CFAP251: variants seen among roughly 807,000 people sequenced by gnomAD.
CFAP251 encodes cilia- and flagella-associated protein 251.
Under a neutral mutation model 126.7 loss-of-function variants are expected in CFAP251, and 93 were observed. That is an observed-to-expected ratio of 0.73 (90% CI 0.62 to 0.87). The LOEUF is 0.87. CFAP251 is among the 40% of genes least tolerant of loss of function. The probability of loss-of-function intolerance (pLI) is 0.00; values close to 1 mark genes in which losing one functional copy is unlikely to be tolerated. For synonymous variants in CFAP251, 503 were observed against 506.9 expected, an observed-to-expected ratio of 0.99 and a Z score of 0.10; for missense variants, 1,287 against 1,389.2, an observed-to-expected ratio of 0.93 and a Z score of 1.17.
chr12:121,944,534 A>T (rs978572022), intron 7 of CFAP251, among the ~76,000 whole-genome samples: 3 of 152,122 alleles, frequency 2.0e-5, no homozygotes, highest in African/African-American at 7.2e-5. Flanking sequence ...CTTGCCGTTT[A>T]TTTATGTCTT....
At chr12:121,936,677 C>G (rs11043252) in intron 5 of CFAP251, among the ~76,000 whole-genome samples, 9,296 of 151,940 alleles carry the variant, frequency 0.061, 528 homozygotes, top group East Asian at 0.21. Context: ...ATGCTGTAAT[C>G]AATGAGAATG....
rs1443560435 is a variant in CFAP251 at position 121,999,806 on chromosome 12, G to T, written c.3097G>T (p.Val1033Leu). The part of the protein sequence containing the change: ...DKINLPDFLK[V>L]YLNHKPPFGN... ...GATCAACTTACCAGATTTCCTAAAA[G>T]TGTACCTTAACCACAAGCCACCTTT... The change falls in exon 20 of 22, where the codon GTG (valine) becomes TTG (leucine). Residue 1033 changes from valine to leucine, a missense_variant. By Grantham distance (32) the Val-to-Leu change is conservative (BLOSUM62 1). Transcript: ENST00000288912. The T allele has an allele frequency of 1.2e-6, 2 of 1,614,130 alleles. No homozygotes were observed. The highest frequency in any genetic ancestry group is 2.2e-5 in the East Asian group (1 of 44,884).
chr12:121,922,087 G>A (rs1473898749), intron 2 of CFAP251, among the ~76,000 whole-genome samples: 2 of 140,564 alleles, frequency 1.4e-5, no homozygotes, highest in East Asian at 2.2e-4. Flanking sequence ...ACGCCACCAC[G>A]CCCGGCCACA....
At chr12:121,957,521 G>A (rs772745618) in intron 11 of CFAP251, among the ~76,000 whole-genome samples, 2 of 151,970 alleles carry the variant, frequency 1.3e-5, no homozygotes, top group South Asian at 2.1e-4. Context: ...TGGCTAACAT[G>A]GTGAAACCCC....
intron 7 of CFAP251, 60 bp from the exon 8 acceptor site, chr12:121,948,924 T>G: frequency 1.0e-6 from 1 of 997,570 alleles, no homozygotes; most frequent in Non-Finnish European, 1.5e-6. Flanking sequence ...AATTTTAACA[T>G]TCAGCTTAAC....
chr12:121,958,882 G>GAC, intron 12 of CFAP251, 61 bp from the exon 13 acceptor site: 1 of 1,523,518 alleles, frequency 6.6e-7, no homozygotes, highest in Middle Eastern at 1.8e-4. Flanking sequence ...GCCTGGCACA[G>GAC]ACTCAACATC....
chr12:121,975,592 C>A lies in CFAP251; in HGVS notation c.2913C>A (p.Asp971Glu). 2 of 1,605,760 alleles carry A rather than the reference C, an allele frequency of 1.2e-6. No homozygotes were observed. Among genetic ancestry groups the A allele is most frequent in the Non-Finnish European group, 1.7e-6 (2 of 1,178,060 alleles). Reference protein sequence around the residue: ...YYSQLRSQGIDTMETRKVSEH... With the variant: ...YYSQLRSQGIETMETRKVSEH... Reference sequence around the variant, plus strand: ...CTCAGCTCCGCAGTCAAGGCATCGACACAATGGAGACCAGAAAGGTGTCAG... The same window carrying A: ...CTCAGCTCCGCAGTCAAGGCATCGAAACAATGGAGACCAGAAAGGTGTCAG... Residue 971 changes from aspartate (D) to glutamate (E), a missense_variant, in exon 19 of 22, where the codon GAC becomes GAA. Coordinates refer to ENST00000288912, the MANE Select transcript of CFAP251 (RefSeq NM_144668.6).
intron 19 of CFAP251, among the ~76,000 whole-genome samples, chr12:121,978,427 C>T (rs145987962): frequency 0.04 from 3,881 of 98,228 alleles, 109 homozygotes; most frequent in Non-Finnish European, 0.064. Flanking sequence ...AAAAATTATC[C>T]GAAAACATGC....
rs1881513102 is a variant in CFAP251, at chr12:121,951,247, A to T, written c.1270-233A>T. ...GACACCTTATTTAATATAGAACTCCATCTCAAGAAAAAAAAAGTCATAATC... is the reference window on the plus strand; with the variant it reads ...GACACCTTATTTAATATAGAACTCCTTCTCAAGAAAAAAAAAGTCATAATC... On this transcript the variant is annotated intron_variant, in intron 8 of 21. Transcript: ENST00000288912. 1.3e-5 allele frequency: 5 copies of T among 381,108 alleles called. 1 individual carries two copies. The South Asian group carries it at 3.1e-4, about 23-fold the overall frequency. 23.6% of individuals were successfully genotyped at this position (381,108 alleles called of 1,614,324 possible).
At chr12:121,962,293 G>A in intron 15 of CFAP251, 131 bp downstream of exon 15, 1 of 782,206 alleles carries the variant, frequency 1.3e-6, no homozygotes, top group Non-Finnish European at 2.0e-6. Context: ...TTGCAGAGGA[G>A]GAGACTGAGG....
At chr12:121,933,114 G>A (rs985481559) in intron 4 of CFAP251, 3 of 152,284 alleles carry the variant, frequency 2.0e-5, no homozygotes, top group African/African-American at 4.8e-5. Context: ...GTCTAGAACA[G>A]AGACAGATGT....
intron 2 of CFAP251, 86 bp from the exon 3 acceptor site, chr12:121,923,536 A>G: frequency 1.3e-6 from 2 of 1,494,518 alleles, no homozygotes; most frequent in Non-Finnish European, 1.8e-6. Flanking sequence ...GGCTAACACT[A>G]AGACTGGCTG....
At chr12:121,919,135 T>TTAC (rs1880048075) in intron 1 of CFAP251, among the ~76,000 whole-genome samples, 3 of 55,568 alleles carry the variant, frequency 5.4e-5, no homozygotes, top group Non-Finnish European at 1.3e-4. Context: ...TTTATTATTA[T>TTAC]TATTATTATT....
chr12:121,940,908 T>C (rs535859097), intron 5 of CFAP251, among the ~76,000 whole-genome samples: 2 of 152,182 alleles, frequency 1.3e-5, no homozygotes, highest in African/African-American at 4.8e-5. Flanking sequence ...CACACACACA[T>C]GATTAGGATG....
At chr12:121,999,576 T>C in intron 19 of CFAP251, 140 bp from the exon 20 acceptor site, 1 of 609,512 alleles carries the variant, frequency 1.6e-6, no homozygotes, top group South Asian at 2.1e-5. Flanking sequence ...CCTCAAGTGA[T>C]CCTTTGGCCA....
At position 121,967,034 on chromosome 12, in the gene CFAP251, C is replaced by T. The variant is rs1882167101; in HGVS notation, c.2572C>T (p.Gln858Ter). Residue 858 changes from glutamine (Q) to a stop codon, truncating the protein, a stop_gained, in exon 16 of 22, where the codon CAG becomes TAG. Transcript: ENST00000288912. LOFTEE classifies it high-confidence loss of function. ...VLPVRSMAEL[Q>*]KRYLVFINRD... The stretch of plus-strand genomic sequence containing the variant: ...CCCAGTGAGAAGCATGGCGGAGCTA[C>T]AGAAACGCTACTTGGTGTTTATTAA... The T allele has an allele frequency of 6.2e-7, 1 of 1,614,214 alleles. No homozygotes were observed. Among genetic ancestry groups the T allele is most frequent in the Non-Finnish European group, 8.5e-7 (1 of 1,180,034 alleles).
chr12:121,930,003 G>A (rs1284137710), intron 3 of CFAP251, among the ~76,000 whole-genome samples: 1 of 148,188 alleles, frequency 6.7e-6, no homozygotes, highest in Non-Finnish European at 1.5e-5. Flanking sequence ...TTGTCTCCAA[G>A]TTTCACCTTT....
intron 19 of CFAP251, chr12:121,992,430 G>T (rs928442198): frequency 2.0e-6 from 2 of 985,264 alleles, no homozygotes; most frequent in African/African-American, 3.5e-5. Flanking sequence ...TGCTGTGAAT[G>T]TTTGCTGAGC....
intron 19 of CFAP251, among the ~76,000 whole-genome samples, chr12:121,986,698 AG>A (rs2135808737): frequency 6.6e-6 from 1 of 151,426 alleles, no homozygotes; most frequent in African/African-American, 2.4e-5. Context: ...CCAGAGGTCA[AG>A]GCTGCAGTGA....
Sources: allele counts gnomAD v4.1 joint callset (sites outside exome capture counted in the v4.1 genomes callset), GRCh38; gene constraint gnomAD v4.1.1; transcripts MANE v1.5; gene names NCBI Gene and HGNC (gene_info 2026-07-23, HGNC 2026-07-21).